The following CADM2 variants were observed in gnomAD, a reference collection of about 807,000 sequenced individuals.
CADM2 encodes the protein immunoglobulin superfamily member 4D.
A neutral mutation model predicts 49.8 loss-of-function variants in CADM2; 12 were observed. That is an observed-to-expected ratio of 0.24 (90% CI 0.15 to 0.39). CADM2 has a LOEUF of 0.39. CADM2 is among the 10% of genes least tolerant of loss of function. CADM2 has a pLI of 1.00. For synonymous variants in CADM2, 214 were observed against 175.4 expected, an observed-to-expected ratio of 1.22 and a Z score of -1.74; for missense variants, 378 against 492.3, an observed-to-expected ratio of 0.77 and a Z score of 2.20.
At chr3:85,987,371 C>A (rs1728237383) in intron 8 of CADM2, among the ~76,000 whole-genome samples, 1 of 151,514 alleles carries the variant, frequency 6.6e-6, no homozygotes, top group African/African-American at 2.4e-5. Flanking sequence ...GCTTTCATTT[C>A]TTTTAAATAA....
chr3:85,078,682 C>G (rs1287478429), intron 1 of CADM2, among the ~76,000 whole-genome samples: 2 of 151,456 alleles, frequency 1.3e-5, no homozygotes, highest in African/African-American at 4.8e-5. Flanking sequence ...TTCTTTCTTT[C>G]TTTCTTTTTT....
intron 3 of CADM2, among the ~76,000 whole-genome samples, chr3:85,829,664 T>C (rs1010024302): frequency 5.3e-5 from 8 of 151,960 alleles, no homozygotes; most frequent in African/African-American, 1.9e-4. Context: ...TTGACTGACA[T>C]TTCCCCATTT....
At position 85,014,803 on chromosome 3, in the gene CADM2, A is replaced by G. The variant is rs374432681; in HGVS notation, c.61+55135A>G. 1.8e-4 allele frequency among the ~76,000 whole-genome samples: 28 copies of G among 152,244 alleles called. 1 individual carries two copies. The highest frequency in any genetic ancestry group is 1.4e-3 in the East Asian group (7 of 5,178). On this transcript the variant is annotated intron_variant, in intron 1 of 9. Coordinates refer to ENST00000383699, the MANE Select transcript of CADM2 (RefSeq NM_001167675.2). ...CTTGTCTTTTAATCTAGGAAATTAC[A>G]TACCATCAATGTTTCATTATGCTTT...
intron 1 of CADM2, among the ~76,000 whole-genome samples, chr3:85,724,792 C>T (rs2067628622): frequency 6.6e-6 from 1 of 151,706 alleles, no homozygotes. Context: ...ATATTGTTTA[C>T]TTTGCTATAT....
chr3:86,063,860 C>T (rs1231894034), intron 8 of CADM2, among the ~76,000 whole-genome samples: 1 of 151,962 alleles, frequency 6.6e-6, no homozygotes, highest in Non-Finnish European at 1.5e-5. Context: ...TGAGGCTATC[C>T]GCAACAATGA....
At chr3:85,194,664 C>T (rs541927865) in intron 1 of CADM2, among the ~76,000 whole-genome samples, 4 of 151,912 alleles carry the variant, frequency 2.6e-5, no homozygotes, top group Non-Finnish European at 5.9e-5. Context: ...GAATCTGTGG[C>T]AGAAAGAAAT....
At chr3:85,745,442 A>T (rs1401442587) in intron 2 of CADM2, among the ~76,000 whole-genome samples, 1 of 152,100 alleles carries the variant, frequency 6.6e-6, no homozygotes, top group Non-Finnish European at 1.5e-5. Flanking sequence ...GTAGACTTTG[A>T]TTCTGACACA....
At chr3:85,359,667 T>TATATATATA (rs1491224693) in intron 1 of CADM2, among the ~76,000 whole-genome samples, 14 of 16,500 alleles carry the variant, frequency 8.5e-4, no homozygotes, top group African/African-American at 2.6e-3. Flanking sequence ...TATATATATA[T>TATATATATA]TTTTTTTTTT....
intron 1 of CADM2, among the ~76,000 whole-genome samples, chr3:85,222,803 T>C (rs72913083): frequency 0.078 from 11,897 of 152,196 alleles, 1,547 homozygotes; most frequent in African/African-American, 0.27. Context: ...GGATAACTCA[T>C]TATTCACTGA....
intron 1 of CADM2, among the ~76,000 whole-genome samples, chr3:85,684,917 C>G (rs1380353112): frequency 6.6e-6 from 1 of 152,118 alleles, no homozygotes; most frequent in Non-Finnish European, 1.5e-5. Context: ...GAGCCTTTTC[C>G]ATAATCTAAA....
At chr3:85,351,913 A>G (rs185701756) in intron 1 of CADM2, among the ~76,000 whole-genome samples, 2 of 152,234 alleles carry the variant, frequency 1.3e-5, no homozygotes, top group Admixed American at 1.3e-4. Flanking sequence ...CACAGTGCAG[A>G]CATCCATTAG....
At chr3:85,448,109 A>C (rs1269093917) in intron 1 of CADM2, among the ~76,000 whole-genome samples, 2 of 152,076 alleles carry the variant, frequency 1.3e-5, no homozygotes, top group African/African-American at 4.8e-5. Context: ...AGGCGGGCGG[A>C]TCACGAGGTC....
At chr3:85,944,121 C>A (rs1290407424) in intron 7 of CADM2, among the ~76,000 whole-genome samples, 3 of 152,110 alleles carry the variant, frequency 2.0e-5, no homozygotes, top group African/African-American at 7.2e-5. Context: ...GGGTTGCAAT[C>A]TTAGTCTCTG....
At chr3:85,199,370 T>TGTGAGAGAGAGAGAGAGAGAGAGAGAGA (rs1553694531) in intron 1 of CADM2, among the ~76,000 whole-genome samples, 6 of 140,168 alleles carry the variant, frequency 4.3e-5, no homozygotes, top group African/African-American at 1.7e-4. Context: ...TGTGTGTGTA[T>TGTGAGAGAGAGAGAGAGAGAGAGAGAGA]GAGAGAGAGA....
chr3:85,235,157 G>A (rs1428287310), intron 1 of CADM2, among the ~76,000 whole-genome samples: 4 of 151,944 alleles, frequency 2.6e-5, no homozygotes, highest in African/African-American at 4.8e-5. Flanking sequence ...AAATTTTTTG[G>A]ATTTATTTGA....
At chr3:85,160,753 AG>A (rs1375626490) in intron 1 of CADM2, among the ~76,000 whole-genome samples, 1 of 152,258 alleles carries the variant, frequency 6.6e-6, no homozygotes, top group Non-Finnish European at 1.5e-5. Flanking sequence ...TGCAATAATT[AG>A]TCTTCCCATG....
At chr3:85,015,458 G>A (rs1360397723) in intron 1 of CADM2, among the ~76,000 whole-genome samples, 1 of 152,060 alleles carries the variant, frequency 6.6e-6, no homozygotes, top group East Asian at 1.9e-4. Flanking sequence ...TATGTATTAG[G>A]ACAGTTTGGC....
At chr3:85,253,591 T>C (rs1256981353) in intron 1 of CADM2, among the ~76,000 whole-genome samples, 1 of 152,130 alleles carries the variant, frequency 6.6e-6, no homozygotes, top group Non-Finnish European at 1.5e-5. Context: ...GTTGAACTGC[T>C]GAAATTCTAG....
chr3:86,000,893 T>C (rs1189864843), intron 8 of CADM2, among the ~76,000 whole-genome samples: 1 of 151,988 alleles, frequency 6.6e-6, no homozygotes, highest in East Asian at 1.9e-4. Flanking sequence ...AATTGGTTTT[T>C]TAATAAAATA....
Sources: gnomAD v4.1 joint callset for allele counts (sites outside exome capture counted in the v4.1 genomes callset) on GRCh38, gnomAD v4.1.1 for gene constraint, MANE v1.5 for transcripts, NCBI Gene and HGNC (gene_info 2026-07-23, HGNC 2026-07-21) for gene names.